The following PRH1 variants were observed in gnomAD, a reference collection of about 807,000 sequenced individuals.
PRH1 encodes the protein proline rich protein HaeIII subfamily 1, also known as salivary acidic proline-rich phosphoprotein 1/2.
PRH1 carries 7 observed loss-of-function variants against 7.9 expected under a neutral mutation model. The ratio of observed to expected loss-of-function variants is 0.89; its 90% CI spans 0.50 to 1.67. The LOEUF (loss-of-function observed/expected upper bound fraction) is 1.67, where lower values mean the gene tolerates loss of function less well. PRH1 is among the 40% of genes most tolerant of loss of function. The pLI is 0.00. For synonymous variants in PRH1, 45 were observed against 80.8 expected, an observed-to-expected ratio of 0.56 and a Z score of 2.38; for missense variants, 109 against 223.6, an observed-to-expected ratio of 0.49 and a Z score of 3.27.
At chr12:10,987,129 G>C (rs1006100072) in intron 1 of PRH1, among the ~76,000 whole-genome samples, 1 of 152,074 alleles carries the variant, frequency 6.6e-6, no homozygotes, top group African/African-American at 2.4e-5. Flanking sequence ...TGATGGGCTT[G>C]AATTATTCAT....
At chr12:10,908,517 A>G in intron 2 of PRH1, 1 of 1,613,920 alleles carries the variant, frequency 6.2e-7, no homozygotes, top group Non-Finnish European at 8.5e-7. Context: ...CATGTAGATC[A>G]CTGTGTTCTG....
intron 2 of PRH1, among the ~76,000 whole-genome samples, chr12:10,893,867 C>T (rs1949609526): frequency 6.6e-6 from 1 of 151,926 alleles, no homozygotes; most frequent in African/African-American, 2.4e-5. Context: ...CCAATTATTT[C>T]ATTTTAAATA....
chr12:10,909,270 GT>G, intron 2 of PRH1: 1 of 1,613,194 alleles, frequency 6.2e-7, no homozygotes. Flanking sequence ...TATTACAAGA[GT>G]GAAGATACTC....
intron 1 of PRH1, among the ~76,000 whole-genome samples, chr12:11,122,529 G>A (rs1945943962): frequency 6.6e-6 from 1 of 152,258 alleles, no homozygotes; most frequent in South Asian, 2.1e-4. Context: ...CAGGATACAA[G>A]GGAAAAATAG....
chr12:11,161,692 G>A (rs940947348), intron 1 of PRH1, among the ~76,000 whole-genome samples: 3 of 152,114 alleles, frequency 2.0e-5, no homozygotes, highest in South Asian at 2.1e-4. Context: ...TCACCGGTTT[G>A]GGGTATCAAA....
intron 1 of PRH1, among the ~76,000 whole-genome samples, chr12:11,033,955 C>T (rs2136107796): frequency 6.6e-6 from 1 of 151,784 alleles, no homozygotes; most frequent in Non-Finnish European, 1.5e-5. Flanking sequence ...CACCTCCATT[C>T]CACTTTCCAA....
intron 1 of PRH1, among the ~76,000 whole-genome samples, chr12:11,106,978 T>C (rs985596791): frequency 6.6e-6 from 1 of 152,182 alleles, no homozygotes; most frequent in Non-Finnish European, 1.5e-5. Flanking sequence ...TGTTACTTGA[T>C]ACATAAAAGA....
At chr12:11,061,542 A>C (rs752221868) in intron 1 of PRH1, 1 of 1,614,114 alleles carries the variant, frequency 6.2e-7, no homozygotes, top group South Asian at 1.1e-5. Flanking sequence ...GACTCTCAAA[A>C]CTCCAAACTG....
intron 1 of PRH1, among the ~76,000 whole-genome samples, chr12:11,073,285 C>A (rs1313348851): frequency 8.7e-6 from 1 of 115,060 alleles, no homozygotes; most frequent in African/African-American, 2.9e-5. Context: ...CCATGTGCTA[C>A]CATGCCTGGC....
At chr12:10,986,463 A>G in intron 1 of PRH1, 5 of 1,614,164 alleles carry the variant, frequency 3.1e-6, no homozygotes, top group East Asian at 2.2e-5. Context: ...AGTCCCCAAC[A>G]GTATCACCAG....
chr12:11,091,656 G>C lies in PRH1; in HGVS notation n.124-44468C>G, dbSNP rs772451253. On this transcript the variant is annotated intron_variant and non_coding_transcript_variant, in intron 1 of 4. Coordinates refer to the PRH1 transcript ENST00000541977. ...CAGATTAACAGCATAAAAGATAGTA[G>C]GGTCAGAGTGAAGGGTACTAAGTTT... 3.2e-6 allele frequency: 4 copies of C among 1,245,730 alleles called. 1 individual carries two copies. The highest frequency in any genetic ancestry group is 2.3e-5 in the East Asian group (1 of 42,626). The allele number at this position is 1,245,730 out of a possible 1,614,324, so 77.2% of individuals were successfully genotyped here. A position where few individuals can be genotyped will look rare whatever the true frequency, so the allele number is the denominator to read the frequency against.
Position 11,031,382 on chromosome 12 carries a change from G to A in PRH1, c.-126+15638C>T, listed in dbSNP as rs550742960. 31 of 1,587,698 alleles carry A rather than the reference G, an allele frequency of 2.0e-5. No individual in the cohort carries two copies. The East Asian group carries it at 3.1e-4, about 16-fold the overall frequency. On this transcript the variant is annotated intron_variant, in intron 1 of 3. Transcript: ENST00000539853. ...TTGTTTTAATGCTGGTGTTGTGTCC[G>A]GAGTTGGTTCCTGCAGGTGGGTTCG...
intron 1 of PRH1, among the ~76,000 whole-genome samples, chr12:11,106,332 A>G (rs899222856): frequency 4.6e-5 from 7 of 152,220 alleles, no homozygotes; most frequent in African/African-American, 1.7e-4. Context: ...TTGTTGTCCT[A>G]TAATTTCCAA....
At chr12:11,100,788 C>T (rs1945213875) in intron 1 of PRH1, among the ~76,000 whole-genome samples, 1 of 152,036 alleles carries the variant, frequency 6.6e-6, no homozygotes, top group African/African-American at 2.4e-5. Flanking sequence ...AAAGATCAGG[C>T]TAAATTATTT....
At chr12:11,083,764 T>C (rs976765395) in intron 1 of PRH1, among the ~76,000 whole-genome samples, 1 of 152,300 alleles carries the variant, frequency 6.6e-6, no homozygotes, top group Non-Finnish European at 1.5e-5. Flanking sequence ...TCACCACCAG[T>C]GTAATAAATT....
intron 2 of PRH1, 72 bp from the exon 3 acceptor site, chr12:10,882,770 C>T (rs1949427110): frequency 5.7e-6 from 9 of 1,582,460 alleles, no homozygotes; most frequent in Non-Finnish European, 7.7e-6. Flanking sequence ...TCTCTGTCTT[C>T]ACCACACGGC....
intron 1 of PRH1, among the ~76,000 whole-genome samples, chr12:11,107,332 G>A (rs958425708): frequency 2.6e-5 from 4 of 152,100 alleles, no homozygotes; most frequent in Admixed American, 1.3e-4. Context: ...GAATGCACAA[G>A]GTTCAGAAAA....
At chr12:11,170,463 C>T (rs1947794613) in intron 1 of PRH1, among the ~76,000 whole-genome samples, 2 of 152,200 alleles carry the variant, frequency 1.3e-5, no homozygotes, top group South Asian at 2.1e-4. Flanking sequence ...AGGAGAATGG[C>T]GTGAACCCGG....
At chr12:11,101,445 G>A (rs1043218957) in intron 1 of PRH1, among the ~76,000 whole-genome samples, 1 of 152,046 alleles carries the variant, frequency 6.6e-6, no homozygotes, top group African/African-American at 2.4e-5. Context: ...AGCCAAGATT[G>A]TTCTTGTGCA....
Sources: allele counts gnomAD v4.1 joint callset (sites outside exome capture counted in the v4.1 genomes callset), GRCh38; gene constraint gnomAD v4.1.1; transcripts MANE v1.5; gene names NCBI Gene and HGNC (gene_info 2026-07-23, HGNC 2026-07-21).